The following WDR53 variants were observed in gnomAD, a reference collection of about 807,000 sequenced individuals.
WDR53 encodes the protein WD repeat domain 53, also known as WD repeat-containing protein 53.
Under a neutral mutation model 21.3 loss-of-function variants are expected in WDR53, and 19 were observed. The ratio of observed to expected loss-of-function variants is 0.89; its 90% confidence interval spans 0.62 to 1.31. WDR53 has a LOEUF of 1.31. Among genes scored for constraint, WDR53 ranks in the 50% most tolerant of loss-of-function variants. The probability of loss-of-function intolerance (pLI) is 0.00; values close to 1 mark genes in which losing one functional copy is unlikely to be tolerated. For synonymous variants in WDR53, 157 were observed against 163.4 expected, an observed-to-expected ratio of 0.96 and a Z score of 0.30; for missense variants, 374 against 423.2, an observed-to-expected ratio of 0.88 and a Z score of 1.02.
Position 196,567,057 on chromosome 3 carries a change from C to T in WDR53, c.-197G>A. 1 of 429,492 alleles carries T rather than the reference C, an allele frequency of 2.3e-6. No individual in the cohort carries two copies. Among genetic ancestry groups the T allele is most frequent in the South Asian group, 1.7e-5 (1 of 59,644 alleles). The allele number at this position is 429,492 out of a possible 1,614,324, so 26.6% of individuals were successfully genotyped here. A position where few individuals can be genotyped will look rare whatever the true frequency, so the allele number is the denominator to read the frequency against. ...TGATCTCTAAACACTCTGCACTAGT[C>T]ATACCACCACCGTCCCGTTCAAGAG... is the stretch of plus-strand genomic sequence containing the variant. On this transcript the variant is annotated 5_prime_UTR_variant, in exon 2 of 4. It removes an upstream start codon present in the reference 5' UTR. Coordinates refer to ENST00000332629, the MANE Select transcript of WDR53 (RefSeq NM_182627.3).
chr3:196,563,909 G>A (rs1402183558), intron 2 of WDR53, among the ~76,000 whole-genome samples: 1 of 152,004 alleles, frequency 6.6e-6, no homozygotes, highest in Non-Finnish European at 1.5e-5. Flanking sequence ...TCACTAATTA[G>A]ACTGCAAAAA....
chr3:196,561,327 C>A lies in WDR53; in HGVS notation c.149G>T (p.Gly50Val). The change falls in exon 3 of 4, where the codon GGG (glycine) becomes GTG (valine). Residue 50 changes from glycine to valine, a missense_variant. Gly to Val is a moderately radical substitution (Grantham distance 109). Coordinates refer to ENST00000332629, the MANE Select transcript of WDR53 (RefSeq NM_182627.3). Reference protein sequence around the residue: ...GTPLGHTRFQGADDVTSVLFS... With the variant: ...GTPLGHTRFQVADDVTSVLFS... ...TAAGACACTGGTAACATCATCAGCC[C>A]CTTGGAACCGCGTGTGTCCTAATGG... 1 of 1,614,114 alleles carries A rather than the reference C, an allele frequency of 6.2e-7. No individual in the cohort carries two copies. Among genetic ancestry groups the A allele is most frequent in the Non-Finnish European group, 8.5e-7 (1 of 1,180,020 alleles).
chr3:196,561,138 T>TCAGCAGAAGC lies in WDR53; in HGVS notation c.328_337dup (p.Asp113GlyfsTer4). 4 of 1,614,236 alleles carry TCAGCAGAAGC rather than the reference T, an allele frequency of 2.5e-6. No homozygotes were observed. Among genetic ancestry groups the TCAGCAGAAGC allele is most frequent in the Non-Finnish European group, 3.4e-6 (4 of 1,180,042 alleles). On this transcript the variant is annotated stop_gained and frameshift_variant, in exon 3 of 4. Coordinates refer to ENST00000332629, the MANE Select transcript of WDR53 (RefSeq NM_182627.3). LOFTEE classifies it high-confidence loss of function. ...TAGGATTTTGATTGCCCCAGAGTCG[T>TCAGCAGAAGC]CAGCAGAAGCCAGCAGGTTTTCCGT...
chr3:196,565,614 G>A (rs1735316516), intron 2 of WDR53, among the ~76,000 whole-genome samples: 1 of 152,026 alleles, frequency 6.6e-6, no homozygotes, highest in Non-Finnish European at 1.5e-5. Flanking sequence ...TAAACTCTGA[G>A]GCTATTAATT....
chr3:196,563,036 G>T (rs915280858), intron 2 of WDR53, among the ~76,000 whole-genome samples: 3 of 152,044 alleles, frequency 2.0e-5, no homozygotes, highest in South Asian at 2.1e-4. Context: ...CAAAGTCGGG[G>T]TCTCCCTATG....
At chr3:196,564,027 T>C (rs1735136543) in intron 2 of WDR53, among the ~76,000 whole-genome samples, 1 of 152,154 alleles carries the variant, frequency 6.6e-6, no homozygotes, top group Admixed American at 6.5e-5. Flanking sequence ...ACTTTTGTTT[T>C]CAAGCAGAAG....
intron 3 of WDR53, among the ~76,000 whole-genome samples, chr3:196,560,302 GCA>G (rs1435798837): frequency 1.3e-5 from 2 of 151,528 alleles, no homozygotes; most frequent in East Asian, 3.9e-4. Flanking sequence ...GAGTGCAGTG[GCA>G]TGATCTCGGC....
At chr3:196,566,085 G>GT (rs1198484518) in intron 2 of WDR53, among the ~76,000 whole-genome samples, 3 of 151,930 alleles carry the variant, frequency 2.0e-5, no homozygotes, top group African/African-American at 7.2e-5. Flanking sequence ...GGAAAGGTGA[G>GT]TTTTTTCTTG....
intron 3 of WDR53, among the ~76,000 whole-genome samples, chr3:196,556,702 A>G (rs1320101492): frequency 7.3e-5 from 11 of 151,712 alleles, no homozygotes; most frequent in Non-Finnish European, 2.9e-5. Context: ...CAGAAAATGG[A>G]CATTCTAGAA....
At chr3:196,560,180 A>G (rs1405191781) in intron 3 of WDR53, among the ~76,000 whole-genome samples, 3 of 152,128 alleles carry the variant, frequency 2.0e-5, no homozygotes, top group Non-Finnish European at 4.4e-5. Context: ...ATGGGTTTCT[A>G]GATACATCTA....
rs1242843184 is a variant in WDR53 at position 196,566,880 on chromosome 3, G to GA, written c.-21dup. 74 of 203,286 alleles carry GA rather than the reference G, an allele frequency of 3.6e-4. No homozygotes were observed. The highest frequency in any genetic ancestry group is 2.1e-4 in the Non-Finnish European group (21 of 97,894). 12.6% of individuals were successfully genotyped at this position (203,286 alleles called of 1,614,324 possible). A position where few individuals can be genotyped will look rare whatever the true frequency, so the allele number is the denominator to read the frequency against. On this transcript the variant is annotated 5_prime_UTR_variant, in exon 2 of 4. Transcript: ENST00000332629. The stretch of plus-strand genomic sequence containing the variant: ...GGGTTGAGAAGGGTAATCTTACTTT[G>GA]AAATTCTACCTGGGGCGCTCAGGAG...
At chr3:196,559,659 A>G (rs901308340) in intron 3 of WDR53, among the ~76,000 whole-genome samples, 11 of 152,214 alleles carry the variant, frequency 7.2e-5, no homozygotes, top group Admixed American at 5.2e-4. Flanking sequence ...CAGAGATTAA[A>G]TGCCTGAACA....
intron 3 of WDR53, 58 bp downstream of exon 3, chr3:196,560,938 G>C (rs1312887651): frequency 3.2e-6 from 5 of 1,543,194 alleles, no homozygotes; most frequent in Non-Finnish European, 4.4e-6. Context: ...TCAATAATTT[G>C]ATCCTGTTAG....
chr3:196,566,419 T>TC (rs1355305851), intron 2 of WDR53, among the ~76,000 whole-genome samples: 1 of 149,468 alleles, frequency 6.7e-6, no homozygotes, highest in Non-Finnish European at 1.5e-5. Context: ...TTTTTTTCTT[T>TC]TTTTTTTTTT....
In WDR53 at chr3:196,554,687, G is replaced by A. The variant is rs148223208; in HGVS notation, c.601C>T (p.His201Tyr). The stretch of plus-strand genomic sequence containing the variant: ...CCACACGAAGCCACAGAGATAGAAT[G>A]GGCTAGGGCAGGGTTTAAGAGCTGA... Reference protein sequence around the residue: ...PGQLLNPALAHSISVASCGNI... With the variant: ...PGQLLNPALAYSISVASCGNI... The change falls in exon 4 of 4, where the codon CAT becomes TAT. Residue 201 changes from histidine (H) to tyrosine (Y), a missense_variant. By Grantham distance (83) the His-to-Tyr change is moderately conservative. Transcript: ENST00000332629. The A allele has an allele frequency of 1.6e-5, 26 of 1,614,170 alleles. No individual in the cohort carries two copies. The highest frequency in any genetic ancestry group is 2.2e-5 in the Non-Finnish European group (26 of 1,180,036).
At chr3:196,559,222 T>C (rs1194756458) in intron 3 of WDR53, among the ~76,000 whole-genome samples, 1 of 152,232 alleles carries the variant, frequency 6.6e-6, no homozygotes, top group Non-Finnish European at 1.5e-5. Flanking sequence ...TGTATAGGTC[T>C]TTCTTTACAA....
At chr3:196,567,751 T>G (rs957081531) in intron 1 of WDR53, among the ~76,000 whole-genome samples, 14 of 143,668 alleles carry the variant, frequency 9.7e-5, no homozygotes, top group Middle Eastern at 3.6e-3. Flanking sequence ...GCTGAAATTC[T>G]TGTGTGTGTG....
At position 196,561,106 on chromosome 3, in the gene WDR53, C is replaced by A; in HGVS notation, c.370G>T (p.Glu124Ter). 1.9e-6 allele frequency: 3 copies of A among 1,614,186 alleles called. No individual in the cohort carries two copies. The highest frequency in any genetic ancestry group is 1.7e-6 in the Non-Finnish European group (2 of 1,180,028). The change falls in exon 3 of 4, where the codon GAA becomes TAA. Residue 124 changes from glutamate to a stop codon, truncating the protein, a stop_gained. Transcript: ENST00000332629. LOFTEE classifies it high-confidence loss of function. Reference protein sequence around the residue: ...DSGAIKILDLENKKVIRSLKR... With the variant: ...DSGAIKILDL ...AAGGATCTGATAACTTTCTTGTTTT[C>A]CAAGTCTAGGATTTTGATTGCCCCA...
chr3:196,561,202 C>T lies in WDR53; in HGVS notation c.274G>A (p.Val92Met). 1 of 1,614,236 alleles carries T rather than the reference C, an allele frequency of 6.2e-7. No homozygotes were observed. Among genetic ancestry groups the T allele is most frequent in the South Asian group, 1.1e-5 (1 of 91,090 alleles). Residue 92 changes from valine (V) to methionine (M), a missense_variant, in exon 3 of 4, where the codon GTG becomes ATG. Coordinates refer to ENST00000332629, the MANE Select transcript of WDR53 (RefSeq NM_182627.3). ...AGACAATTGATTTCTTCTTCATTCACATGAAAATGGTCCAAGGAATCTTTG... is the reference window on the plus strand; with the variant it reads ...AGACAATTGATTTCTTCTTCATTCATATGAAAATGGTCCAAGGAATCTTTG... ...SLKDSLDHFHVNEEEINCLSL... is the reference protein window; with the variant it reads ...SLKDSLDHFHMNEEEINCLSL...
Sources: allele counts gnomAD v4.1 joint callset (sites outside exome capture counted in the v4.1 genomes callset), GRCh38; gene constraint gnomAD v4.1.1; transcripts MANE v1.5; gene names NCBI Gene and HGNC (gene_info 2026-07-23, HGNC 2026-07-21).